Variants in TTC29 observed in about 807,000 individuals in gnomAD.
TTC29 encodes tetratricopeptide repeat protein 29.
TTC29 carries 49 observed loss-of-function variants against 58.1 expected under a neutral mutation model. The ratio of observed to expected loss-of-function variants is 0.84; its 90% CI spans 0.67 to 1.07. TTC29 has a LOEUF of 1.07. Among genes scored for constraint, TTC29 ranks in the 50% least tolerant of loss-of-function variants. The probability of loss-of-function intolerance (pLI) is 0.00; values close to 1 mark genes in which losing one functional copy is unlikely to be tolerated. For missense variants in TTC29, 582 were observed against 555.6 expected, an observed-to-expected ratio of 1.05 and a Z score of -0.48; for synonymous variants, 209 against 196.8, an observed-to-expected ratio of 1.06 and a Z score of -0.52.
At chr4:146,842,955 C>T (rs996299031) in intron 8 of TTC29, among the ~76,000 whole-genome samples, 4 of 152,150 alleles carry the variant, frequency 2.6e-5, no homozygotes, top group Admixed American at 1.3e-4. Flanking sequence ...AGCCGTTTCA[C>T]AGTTGGTGAG....
chr4:146,746,516 G>T (rs1357784295), intron 11 of TTC29, among the ~76,000 whole-genome samples: 1 of 152,168 alleles, frequency 6.6e-6, no homozygotes, highest in African/African-American at 2.4e-5. Context: ...ATAATTTTCT[G>T]TTTAGTTTAA....
chr4:146,785,585 C>T (rs980252162), intron 11 of TTC29, among the ~76,000 whole-genome samples: 1 of 152,120 alleles, frequency 6.6e-6, no homozygotes, highest in African/African-American at 2.4e-5. Flanking sequence ...TATTTGAAGA[C>T]AGTTATTGGG....
intron 8 of TTC29, among the ~76,000 whole-genome samples, chr4:146,859,134 T>A (rs748139849): frequency 6.6e-6 from 1 of 152,066 alleles, no homozygotes; most frequent in African/African-American, 2.4e-5. Context: ...AGAGTGAGAA[T>A]GCAGACATGA....
intron 11 of TTC29, among the ~76,000 whole-genome samples, chr4:146,754,896 G>A (rs1746320052): frequency 6.6e-6 from 1 of 151,870 alleles, no homozygotes; most frequent in African/African-American, 2.4e-5. Flanking sequence ...GGAAGTAGTA[G>A]CAAGATTAAT....
At chr4:146,805,892 C>A (rs914252289) in intron 10 of TTC29, among the ~76,000 whole-genome samples, 3 of 150,788 alleles carry the variant, frequency 2.0e-5, no homozygotes, top group Admixed American at 6.6e-5. Context: ...GAGAACACCA[C>A]AAAACTCTTC....
chr4:146,726,571 A>T (rs925698510), intron 11 of TTC29, among the ~76,000 whole-genome samples: 14 of 152,252 alleles, frequency 9.2e-5, no homozygotes, highest in African/African-American at 2.9e-4. Flanking sequence ...TCTTTTTGAC[A>T]CCTGTTATCT....
chr4:146,840,621 C>T (rs1728794616), intron 8 of TTC29, among the ~76,000 whole-genome samples: 1 of 151,956 alleles, frequency 6.6e-6, no homozygotes, highest in African/African-American at 2.4e-5. Context: ...GATACAGCAG[C>T]CAATAATACA....
At chr4:146,774,933 G>C (rs1392840153) in intron 11 of TTC29, among the ~76,000 whole-genome samples, 2 of 152,152 alleles carry the variant, frequency 1.3e-5, no homozygotes, top group South Asian at 4.1e-4. Context: ...AGGTGCTCTT[G>C]TGTTTGGTAC....
At chr4:146,885,833 T>C (rs577912142) in intron 6 of TTC29, among the ~76,000 whole-genome samples, 1 of 152,260 alleles carries the variant, frequency 6.6e-6, no homozygotes, top group South Asian at 2.1e-4. Flanking sequence ...AATACACATG[T>C]GTTACTTTAA....
chr4:146,714,223 C>G (rs1338846890), intron 11 of TTC29, among the ~76,000 whole-genome samples: 1 of 151,690 alleles, frequency 6.6e-6, no homozygotes, highest in Non-Finnish European at 1.5e-5. Flanking sequence ...CAAAACTGGC[C>G]CAGAACAGAC....
chr4:146,898,461 G>A (rs945518163), intron 6 of TTC29, among the ~76,000 whole-genome samples: 1 of 152,224 alleles, frequency 6.6e-6, no homozygotes, highest in Non-Finnish European at 1.5e-5. Flanking sequence ...AGTCAGGACA[G>A]CTGTTTCTTT....
At chr4:146,869,701 T>G (rs915759625) in intron 7 of TTC29, among the ~76,000 whole-genome samples, 1 of 152,132 alleles carries the variant, frequency 6.6e-6, no homozygotes, top group African/African-American at 2.4e-5. Context: ...TCTAATTTTA[T>G]GTGAGTGGAA....
intron 11 of TTC29, among the ~76,000 whole-genome samples, chr4:146,781,853 C>T (rs747950670): frequency 1.3e-5 from 2 of 151,690 alleles, no homozygotes; most frequent in Non-Finnish European, 2.9e-5. Flanking sequence ...TATTTTTATG[C>T]GTGCATGGAG....
intron 11 of TTC29, among the ~76,000 whole-genome samples, chr4:146,713,667 G>T (rs1742697978): frequency 6.6e-6 from 1 of 151,952 alleles, no homozygotes; most frequent in Non-Finnish European, 1.5e-5. Flanking sequence ...CAATTCCCTT[G>T]CCAAGGGCTT....
chr4:146,726,504 T>C (rs1312042569), intron 11 of TTC29, among the ~76,000 whole-genome samples: 1 of 152,166 alleles, frequency 6.6e-6, no homozygotes, highest in Non-Finnish European at 1.5e-5. Context: ...TACTCAGTTA[T>C]GTCTTACTCA....
intron 8 of TTC29, among the ~76,000 whole-genome samples, chr4:146,847,604 G>A (rs539991864): frequency 1.1e-3 from 169 of 152,250 alleles, no homozygotes; most frequent in Non-Finnish European, 6.9e-4. Context: ...ATTCCTCAGC[G>A]AGCCATGTGC....
At chr4:146,811,356 C>A (rs1324022302) in intron 10 of TTC29, among the ~76,000 whole-genome samples, 1 of 152,124 alleles carries the variant, frequency 6.6e-6, no homozygotes, top group Non-Finnish European at 1.5e-5. Flanking sequence ...TCTGCCACCC[C>A]CAAATCTTCT....
chr4:146,764,118 T>C (rs1213049140), intron 11 of TTC29: 1 of 152,096 alleles, frequency 6.6e-6, no homozygotes, highest in Non-Finnish European at 1.5e-5. Context: ...GTTTAACATA[T>C]GGATTTGAAA....
intron 4 of TTC29, among the ~76,000 whole-genome samples, chr4:146,911,004 T>C (rs757999361): frequency 5.3e-5 from 8 of 152,136 alleles, no homozygotes; most frequent in African/African-American, 7.2e-5. Context: ...AAAGTCAACA[T>C]CCTGTGAAAT....
Sources: allele counts gnomAD v4.1 joint callset (sites outside exome capture counted in the v4.1 genomes callset), GRCh38; gene constraint gnomAD v4.1.1; transcripts MANE v1.5; gene names NCBI Gene and HGNC (gene_info 2026-07-23, HGNC 2026-07-21).